Variants in HERC2 observed in about 807,000 individuals in gnomAD.
The protein encoded by HERC2 is HECT and RLD domain containing E3 ubiquitin protein ligase 2, also known as E3 ubiquitin-protein ligase HERC2.
In HERC2, 102 loss-of-function variants were observed where a neutral mutation model predicts 537.7. The observed-to-expected ratio is 0.19, with a 90% CI of 0.16 to 0.22. The LOEUF (loss-of-function observed/expected upper bound fraction) is 0.22. HERC2 is among the 10% of genes least tolerant of loss of function. The pLI, the probability that HERC2 is intolerant of heterozygous loss-of-function variation, is 1.00. For synonymous variants in HERC2, 2,224 were observed against 2,466.2 expected, an observed-to-expected ratio of 0.90 and a Z score of 2.91; for missense variants, 4,236 against 6,198.2, an observed-to-expected ratio of 0.68 and a Z score of 10.63.
chr15:28,260,674 CAAG>C, intron 16 of HERC2, 100 bp downstream of exon 16: 1 of 937,232 alleles, frequency 1.1e-6, no homozygotes, highest in African/African-American at 1.6e-5. Flanking sequence ...CTGCAGGACA[CAAG>C]AACAACAAAC....
chr15:28,251,181 A>G (rs189963471), intron 20 of HERC2, among the ~76,000 whole-genome samples: 22 of 152,270 alleles, frequency 1.4e-4, no homozygotes, highest in Admixed American at 1.3e-3. Context: ...AGTGGCTCAC[A>G]CCTGTAATCC....
chr15:28,298,954 C>T (rs1313163687), intron 3 of HERC2, among the ~76,000 whole-genome samples: 1 of 152,094 alleles, frequency 6.6e-6, no homozygotes, highest in East Asian at 1.9e-4. Context: ...GGTTCTCAAC[C>T]AAGGATCTTT....
chr15:28,256,720 G>A (rs533161539), intron 17 of HERC2, among the ~76,000 whole-genome samples: 4 of 152,062 alleles, frequency 2.6e-5, no homozygotes, highest in South Asian at 2.1e-4. Context: ...TCAGCCTCCC[G>A]AGTAGCTGGA....
At chr15:28,208,727 C>T (rs1443642341) in intron 44 of HERC2, among the ~76,000 whole-genome samples, 2 of 152,226 alleles carry the variant, frequency 1.3e-5, no homozygotes, top group African/African-American at 2.4e-5. Context: ...CCTCCTGGTC[C>T]ACCACCAGCA....
chr15:28,319,659 A>C (rs1350658342), intron 2 of HERC2, among the ~76,000 whole-genome samples: 1 of 151,196 alleles, frequency 6.6e-6, no homozygotes, highest in Non-Finnish European at 1.5e-5. Context: ...ACTGTGTATT[A>C]AACTTAATAA....
chr15:28,177,016 G>C lies in HERC2; in HGVS notation c.9366C>G (p.Thr3122=). ...AALTSSGELY[T]WGLGEYGRLG... is the part of the protein sequence containing the mutation. ...GCCGGCCGTACTCGCCGAGGCCCCA[G>C]GTGTACAGTTCTCCGCTGGATGTGA... Residue 3122 remains threonine, a synonymous_variant, in exon 61 of 93, where the codon ACC becomes ACG. Transcript: ENST00000261609. This position sits in a 1 kb window ranked among gnomAD's most constrained non-coding sequence, Gnocchi z 5.0. 6.2e-7 allele frequency: 1 copy of C among 1,614,160 alleles called. No individual in the cohort carries two copies. The highest frequency in any genetic ancestry group is 1.1e-5 in the South Asian group (1 of 91,082).
At chr15:28,154,913 C>G (rs920079160) in intron 69 of HERC2, among the ~76,000 whole-genome samples, 1 of 104,794 alleles carries the variant, frequency 9.5e-6, no homozygotes, top group African/African-American at 3.9e-5. Flanking sequence ...TATCCCTCCC[C>G]CCTCCCCCCA....
chr15:28,321,040 AG>A (rs2077215020), intron 2 of HERC2, among the ~76,000 whole-genome samples: 1 of 152,082 alleles, frequency 6.6e-6, no homozygotes, highest in Non-Finnish European at 1.5e-5. Flanking sequence ...AAAAACGATC[AG>A]TAACAAACAA....
intron 35 of HERC2, among the ~76,000 whole-genome samples, chr15:28,223,146 C>A (rs1016056721): frequency 2.0e-5 from 3 of 152,108 alleles, no homozygotes; most frequent in African/African-American, 7.2e-5. Flanking sequence ...TCATCCATAG[C>A]ACAAAACAGA....
intron 3 of HERC2, among the ~76,000 whole-genome samples, chr15:28,295,236 C>A (rs2076429989): frequency 6.7e-6 from 1 of 149,642 alleles, no homozygotes; most frequent in South Asian, 2.1e-4. Context: ...AGAATAGAAC[C>A]CAGCCAGGAA....
intron 88 of HERC2, among the ~76,000 whole-genome samples, chr15:28,116,188 A>G (rs1337277123): frequency 6.6e-6 from 1 of 151,874 alleles, no homozygotes; most frequent in African/African-American, 2.4e-5. Context: ...ATGTTGGTGA[A>G]AGGCACGATC....
At chr15:28,303,684 C>T (rs560245511) in intron 2 of HERC2, among the ~76,000 whole-genome samples, 51 of 152,278 alleles carry the variant, frequency 3.3e-4, no homozygotes, top group African/African-American at 1.1e-3. Flanking sequence ...TCCATGAACA[C>T]GGAGTATCTT....
At chr15:28,130,391 G>C in intron 82 of HERC2, 89 bp from the exon 83 acceptor site, 11 of 1,597,624 alleles carry the variant, frequency 6.9e-6, no homozygotes, top group Non-Finnish European at 9.4e-6. Flanking sequence ...TGCTGTTCAG[G>C]ACACAACCAT....
At position 28,119,399 on chromosome 15, in the gene HERC2, CAAAAAAAAAAAAAAAAAAAAAAAAAAAA is replaced by C. The variant is rs201078187; in HGVS notation, c.13272+1919_13272+1946del. ...TGGGCGACAGAACAAGACTCCCTCT[CAAAAAAAAAAAAAAAAAAAAAAAAAAAA>C]AAAAAAAAAAGGCCTGATATAAGTT... On this transcript the variant is annotated intron_variant, in intron 86 of 92. Transcript: ENST00000261609. Among the ~76,000 whole-genome samples the C allele has an allele frequency of 9.0e-4, 120 of 133,664 alleles. 1 individual carries two copies. Among genetic ancestry groups the C allele is most frequent in the Admixed American group, 1.0e-3 (15 of 14,414 alleles). 87.7% of individuals were successfully genotyped at this position (133,664 alleles called of 152,430 possible). A position where few individuals can be genotyped will look rare whatever the true frequency, so the allele number is the denominator to read the frequency against.
chr15:28,298,127 C>T (rs1257618033), intron 3 of HERC2, among the ~76,000 whole-genome samples: 1 of 150,366 alleles, frequency 6.7e-6, no homozygotes, highest in Non-Finnish European at 1.5e-5. Context: ...GAGACTAATA[C>T]TTTTTCCCAT....
intron 42 of HERC2, among the ~76,000 whole-genome samples, chr15:28,213,176 G>GCA (rs1382743998): frequency 2.4e-5 from 3 of 123,606 alleles, no homozygotes; most frequent in Non-Finnish European, 3.3e-5. Flanking sequence ...TTGTGCCATT[G>GCA]CACTCCAGCC....
chr15:28,142,267 T>C lies in HERC2; in HGVS notation c.11671A>G (p.Thr3891Ala), dbSNP rs764153619. 6 of 1,614,208 alleles carry C rather than the reference T, an allele frequency of 3.7e-6. No homozygotes were observed. The highest frequency in any genetic ancestry group is 5.1e-6 in the Non-Finnish European group (6 of 1,180,042). Residue 3891 changes from threonine to alanine, a missense_variant, in exon 76 of 93, where the codon ACA becomes GCA. Transcript: ENST00000261609. ...TCAAGAAACAGACGGGGCAACGGTG[T>C]TCTTTTGTCAAGGGCCACAGCAACA... is the stretch of plus-strand genomic sequence containing the variant. ...SRVAVALDKR[T>A]PLPRLFLDEV...
Position 28,111,266 on chromosome 15 carries a change from G to C in HERC2, c.*497C>G, listed in dbSNP as rs1887618511. 1 of 155,486 alleles carries C rather than the reference G, an allele frequency of 6.4e-6. No individual in the cohort carries two copies. Among genetic ancestry groups the C allele is most frequent in the South Asian group, 2.0e-4 (1 of 4,966 alleles). The allele number at this position is 155,486 out of a possible 1,614,324, so 9.6% of individuals were successfully genotyped here. On this transcript the variant is annotated 3_prime_UTR_variant, in exon 93 of 93. Transcript: ENST00000261609. ...TTAAATATCCTCTGGATGCATTCAA[G>C]TAATACTAATCATTTCATGTTCAAA...
intron 23 of HERC2, among the ~76,000 whole-genome samples, chr15:28,245,021 T>G (rs997881766): frequency 6.6e-6 from 1 of 152,158 alleles, no homozygotes; most frequent in African/African-American, 2.4e-5. Context: ...CAATTTGGGA[T>G]GCACTACAAG....
Sources: allele counts gnomAD v4.1 joint callset (sites outside exome capture counted in the v4.1 genomes callset), GRCh38; gene constraint gnomAD v4.1.1; non-coding constraint Gnocchi (gnomAD v3.1); transcripts MANE v1.5; gene names NCBI Gene and HGNC (gene_info 2026-07-23, HGNC 2026-07-21).